Variants in MYO3B observed in about 807,000 individuals in gnomAD.
MYO3B encodes myosin IIIB, also known as myosin-IIIb.
A neutral mutation model predicts 174.6 loss-of-function variants in MYO3B; 156 were observed. The observed-to-expected ratio is 0.89, with a 90% confidence interval of 0.78 to 1.02. MYO3B has a LOEUF of 1.02. MYO3B is among the 50% of genes least tolerant of loss of function. The pLI is 0.00. For synonymous variants in MYO3B, 563 were observed against 569.1 expected (o/e 0.99, Z 0.15); for missense variants, 1,632 against 1,639.4 (o/e 1.00, Z 0.08).
At chr2:170,389,562 A>G (rs917071045) in intron 14 of MYO3B, among the ~76,000 whole-genome samples, 7 of 152,232 alleles carry the variant, frequency 4.6e-5, no homozygotes, top group African/African-American at 1.4e-4. Flanking sequence ...AAGTGATGCT[A>G]GGGATGGATG....
intron 7 of MYO3B, among the ~76,000 whole-genome samples, chr2:170,303,905 C>T (rs896842506): frequency 6.6e-6 from 1 of 152,094 alleles, no homozygotes; most frequent in African/African-American, 2.4e-5. Context: ...ATTCACTTAG[C>T]AATTTTATTA....
chr2:170,413,767 C>T (rs1451970763), intron 22 of MYO3B, among the ~76,000 whole-genome samples: 2 of 152,026 alleles, frequency 1.3e-5, no homozygotes, highest in African/African-American at 4.8e-5. Context: ...AGGCCGGGTG[C>T]GGTGGCTCAT....
At chr2:170,357,833 T>C (rs922286473) in intron 8 of MYO3B, among the ~76,000 whole-genome samples, 1 of 152,208 alleles carries the variant, frequency 6.6e-6, no homozygotes, top group African/African-American at 2.4e-5. Flanking sequence ...ATGTTCGTAG[T>C]AGCAATAATT....
In MYO3B at chr2:170,236,007, AGCAGT is replaced by A. The variant is rs1160061827; in HGVS notation, c.621_625del (p.Gln208Ter). ...GTCCAATAGGTCATTGCCTGTGAGC[AGCAGT>A]ATGACTCTTCCTATGACGCTCGCTG... On this transcript the variant is annotated frameshift_variant, in exon 7 of 35. Transcript: ENST00000408978. LOFTEE classifies it high-confidence loss of function. 1 of 1,614,106 alleles carries A rather than the reference AGCAGT, an allele frequency of 6.2e-7. No individual in the cohort carries two copies. Among genetic ancestry groups the A allele is most frequent in the East Asian group, 2.2e-5 (1 of 44,874 alleles).
At chr2:170,483,375 CTTTTT>C (rs61527598) in intron 25 of MYO3B, among the ~76,000 whole-genome samples, 8 of 62,098 alleles carry the variant, frequency 1.3e-4, no homozygotes, top group East Asian at 4.2e-4. Flanking sequence ...CTTGGGGATT[CTTTTT>C]TTTTTTTTTT....
intron 3 of MYO3B, among the ~76,000 whole-genome samples, chr2:170,203,293 A>G (rs765736627): frequency 6.6e-6 from 1 of 152,214 alleles, no homozygotes; most frequent in Non-Finnish European, 1.5e-5. Flanking sequence ...AATCTTTGGC[A>G]GGTAGAAACT....
At chr2:170,473,975 C>T (rs1685148298) in intron 25 of MYO3B, among the ~76,000 whole-genome samples, 1 of 152,184 alleles carries the variant, frequency 6.6e-6, no homozygotes. Flanking sequence ...CTCTCAATAA[C>T]AAGTAACTGA....
At chr2:170,427,982 T>C (rs568028471) in intron 22 of MYO3B, among the ~76,000 whole-genome samples, 2 of 152,294 alleles carry the variant, frequency 1.3e-5, no homozygotes, top group Admixed American at 1.3e-4. Flanking sequence ...ATAGATGTTA[T>C]AAAGATGTTG....
intron 5 of MYO3B, among the ~76,000 whole-genome samples, chr2:170,215,875 T>A (rs1442355839): frequency 6.6e-6 from 1 of 152,122 alleles, no homozygotes; most frequent in Non-Finnish European, 1.5e-5. Context: ...AGGATGAGGA[T>A]GGGGTGGGAA....
intron 22 of MYO3B, among the ~76,000 whole-genome samples, chr2:170,428,175 G>A (rs2094680107): frequency 6.6e-6 from 1 of 152,160 alleles, no homozygotes; most frequent in Admixed American, 6.5e-5. Context: ...AGAGATCATA[G>A]CAACAGAGCC....
chr2:170,490,977 AGGC>A (rs1686430060), intron 25 of MYO3B, among the ~76,000 whole-genome samples: 1 of 152,066 alleles, frequency 6.6e-6, no homozygotes, highest in Non-Finnish European at 1.5e-5. Flanking sequence ...GTATGGATAG[AGGC>A]TTACCAATTT....
chr2:170,266,440 G>A (rs2093383987), intron 7 of MYO3B, among the ~76,000 whole-genome samples: 2 of 152,134 alleles, frequency 1.3e-5, no homozygotes, highest in South Asian at 4.1e-4. Context: ...ATTTTTGTAG[G>A]ATATCTACTA....
At chr2:170,570,678 T>C (rs1224612079) in intron 32 of MYO3B, among the ~76,000 whole-genome samples, 1 of 152,248 alleles carries the variant, frequency 6.6e-6, no homozygotes, top group African/African-American at 2.4e-5. Context: ...CCAGCGGGGC[T>C]GATTTTATTT....
intron 32 of MYO3B, among the ~76,000 whole-genome samples, chr2:170,615,995 A>G (rs1348396893): frequency 6.6e-6 from 1 of 152,180 alleles, no homozygotes; most frequent in African/African-American, 2.4e-5. Context: ...GAGAGATAAG[A>G]ATTTACAATA....
intron 32 of MYO3B, among the ~76,000 whole-genome samples, chr2:170,597,677 G>T (rs1386005832): frequency 1.3e-5 from 2 of 152,152 alleles, no homozygotes; most frequent in Admixed American, 6.5e-5. Flanking sequence ...AGTTTCTGAT[G>T]ACTACAGTCA....
chr2:170,533,151 C>T (rs1444761844), intron 30 of MYO3B, among the ~76,000 whole-genome samples: 1 of 152,116 alleles, frequency 6.6e-6, no homozygotes. Context: ...TTGCCGTGCT[C>T]AGTGATGGTC....
intron 32 of MYO3B, among the ~76,000 whole-genome samples, chr2:170,636,808 C>T (rs980660800): frequency 2.0e-5 from 3 of 152,152 alleles, no homozygotes; most frequent in Admixed American, 6.5e-5. Context: ...AACCAAGTCC[C>T]TGAAAGAATG....
chr2:170,203,157 G>A (rs1559296456), intron 3 of MYO3B, among the ~76,000 whole-genome samples: 1 of 152,120 alleles, frequency 6.6e-6, no homozygotes, highest in Non-Finnish European at 1.5e-5. Context: ...CTATAAGTCC[G>A]CCTTTCACCT....
chr2:170,265,798 A>T (rs2093378858), intron 7 of MYO3B, among the ~76,000 whole-genome samples: 1 of 152,172 alleles, frequency 6.6e-6, no homozygotes, highest in South Asian at 2.1e-4. Context: ...TTCTTGGCTC[A>T]TTCTAAAAAG....
Sources: gnomAD v4.1 joint callset for allele counts (sites outside exome capture counted in the v4.1 genomes callset) on GRCh38, gnomAD v4.1.1 for gene constraint, MANE v1.5 for transcripts, NCBI Gene and HGNC (gene_info 2026-07-23, HGNC 2026-07-21) for gene names.